The following GTF2IRD1 variants were observed in gnomAD, a reference collection of about 807,000 sequenced individuals.
GTF2IRD1 encodes the protein general transcription factor II-I repeat domain-containing protein 1.
Under a neutral mutation model 113.2 loss-of-function variants are expected in GTF2IRD1, and 26 were observed. The observed-to-expected ratio is 0.23, with a 90% CI of 0.17 to 0.32. The LOEUF is 0.32. Ranked by LOEUF, GTF2IRD1 falls within the 10% of genes least tolerant of loss-of-function variation. The pLI, the probability that GTF2IRD1 is intolerant of heterozygous loss-of-function variation, is 1.00. For synonymous variants in GTF2IRD1, 484 were observed against 529.1 expected, an observed-to-expected ratio of 0.91 and a Z score of 1.17; for missense variants, 864 against 1,280.8, an observed-to-expected ratio of 0.67 and a Z score of 4.97.
At chr7:74,581,035 G>A (rs1287840864) in intron 22 of GTF2IRD1, among the ~76,000 whole-genome samples, 2 of 152,016 alleles carry the variant, frequency 1.3e-5, no homozygotes, top group African/African-American at 4.8e-5. Flanking sequence ...GGGGGTTGGG[G>A]GGAGACGGAG....
intron 1 of GTF2IRD1, among the ~76,000 whole-genome samples, chr7:74,489,005 G>T (rs1432828999): frequency 6.6e-6 from 1 of 151,900 alleles, no homozygotes; most frequent in Non-Finnish European, 1.5e-5. Context: ...AGCCGGGTGT[G>T]GTGGTGGGTT....
chr7:74,566,006 A>ACACACAC (rs1800285278), intron 22 of GTF2IRD1, among the ~76,000 whole-genome samples: 11 of 143,216 alleles, frequency 7.7e-5, no homozygotes, highest in African/African-American at 2.3e-4. Flanking sequence ...AAGACACACA[A>ACACACAC]ACACACACAC....
At chr7:74,466,568 A>G (rs1554330851) in intron 1 of GTF2IRD1, among the ~76,000 whole-genome samples, 1 of 152,096 alleles carries the variant, frequency 6.6e-6, no homozygotes, top group African/African-American at 2.4e-5. Context: ...CCTCTCCCCT[A>G]GAGCGTGCGT....
intron 25 of GTF2IRD1, among the ~76,000 whole-genome samples, chr7:74,598,235 A>T (rs1245593371): frequency 6.6e-6 from 1 of 150,684 alleles, no homozygotes; most frequent in Non-Finnish European, 1.5e-5. Context: ...AAAAAAAAAG[A>T]GCCAGTTAAA....
chr7:74,467,315 G>A (rs536561425), intron 1 of GTF2IRD1, among the ~76,000 whole-genome samples: 11 of 152,174 alleles, frequency 7.2e-5, no homozygotes, highest in Admixed American at 5.2e-4. Flanking sequence ...TGCTTCTGCC[G>A]GCCTGGCTGT....
chr7:74,565,622 T>C (rs1431791811), intron 22 of GTF2IRD1, among the ~76,000 whole-genome samples: 6 of 152,084 alleles, frequency 3.9e-5, no homozygotes, highest in African/African-American at 1.4e-4. Context: ...AGAAACCCTC[T>C]ACCCAGGTAG....
At chr7:74,566,812 T>C (rs1057182775) in intron 22 of GTF2IRD1, among the ~76,000 whole-genome samples, 2 of 152,182 alleles carry the variant, frequency 1.3e-5, no homozygotes, top group East Asian at 1.9e-4. Context: ...CATTTTATTA[T>C]ACTTCGGAAC....
At chr7:74,501,754 C>T (rs141670125) in intron 1 of GTF2IRD1, among the ~76,000 whole-genome samples, 2,565 of 152,174 alleles carry the variant, frequency 0.017, 38 homozygotes, top group Non-Finnish European at 0.025. Context: ...TGGGTTCGAG[C>T]GATTCTCCTG....
chr7:74,567,911 G>A lies in GTF2IRD1; in HGVS notation c.2320+8256G>A, dbSNP rs587599533. On this transcript the variant is annotated intron_variant, in intron 22 of 26. Coordinates refer to ENST00000424337, the MANE Select transcript of GTF2IRD1 (RefSeq NM_005685.4). ...AGTGATTCTCCTGCCTCAGCCTCCCGAGTAGCTGGGATTACAGGCGCGTGC... is the reference window on the plus strand; with the variant it reads ...AGTGATTCTCCTGCCTCAGCCTCCCAAGTAGCTGGGATTACAGGCGCGTGC... Among the ~76,000 whole-genome samples the A allele has an allele frequency of 5.9e-5, 9 of 152,026 alleles. No individual in the cohort carries two copies. In the East Asian group the frequency reaches 1.8e-3, roughly 30 times the overall value.
At chr7:74,455,896 T>C (rs1392046048) in intron 1 of GTF2IRD1, among the ~76,000 whole-genome samples, 1 of 152,192 alleles carries the variant, frequency 6.6e-6, no homozygotes, top group Non-Finnish European at 1.5e-5. Context: ...ACTCAGAGCC[T>C]GCACTCTTAA....
chr7:74,500,452 G>A (rs1379660671), intron 1 of GTF2IRD1, among the ~76,000 whole-genome samples: 2 of 151,784 alleles, frequency 1.3e-5, no homozygotes, highest in East Asian at 3.9e-4. Flanking sequence ...AAAAAATTTG[G>A]TGGGGTGATG....
At chr7:74,598,165 G>A (rs1802534827) in intron 25 of GTF2IRD1, among the ~76,000 whole-genome samples, 1 of 152,098 alleles carries the variant, frequency 6.6e-6, no homozygotes, top group African/African-American at 2.4e-5. Flanking sequence ...GGAGGCTGCA[G>A]TGAGCTATGA....
chr7:74,566,561 C>G (rs1221385138), intron 22 of GTF2IRD1, among the ~76,000 whole-genome samples: 1 of 152,172 alleles, frequency 6.6e-6, no homozygotes, highest in Non-Finnish European at 1.5e-5. Flanking sequence ...AGGCTGGTCT[C>G]GAACTCCTGA....
chr7:74,589,510 A>C (rs1801927378), intron 22 of GTF2IRD1, among the ~76,000 whole-genome samples: 1 of 152,068 alleles, frequency 6.6e-6, no homozygotes, highest in Non-Finnish European at 1.5e-5. Flanking sequence ...CAGCCTGGGC[A>C]ACATGGTGAA....
chr7:74,507,788 T>G, intron 1 of GTF2IRD1: 1 of 334,526 alleles, frequency 3.0e-6, no homozygotes, highest in Non-Finnish European at 5.5e-6. Flanking sequence ...CCGGGAGAGG[T>G]GGCAGTTGGG....
intron 1 of GTF2IRD1, among the ~76,000 whole-genome samples, chr7:74,454,516 A>C (rs1278994590): frequency 6.6e-6 from 1 of 151,926 alleles, no homozygotes; most frequent in African/African-American, 2.4e-5. Flanking sequence ...GAATGAGGTC[A>C]GTCGCGCTGC....
At chr7:74,520,499 A>G (rs1309807092) in intron 6 of GTF2IRD1, among the ~76,000 whole-genome samples, 1 of 152,092 alleles carries the variant, frequency 6.6e-6, no homozygotes, top group Non-Finnish European at 1.5e-5. Flanking sequence ...TGGCAGTAGC[A>G]TCTCCTGAGA....
intron 1 of GTF2IRD1, among the ~76,000 whole-genome samples, chr7:74,464,002 G>A (rs920013460): frequency 2.6e-5 from 4 of 152,146 alleles, no homozygotes; most frequent in Non-Finnish European, 5.9e-5. Flanking sequence ...GGAATTACAG[G>A]TGTGAGCCAC....
At chr7:74,553,791 A>G (rs1391078039) in intron 17 of GTF2IRD1, among the ~76,000 whole-genome samples, 6 of 152,160 alleles carry the variant, frequency 3.9e-5, no homozygotes, top group Non-Finnish European at 1.5e-5. Context: ...GGCTCTGCCC[A>G]GCTTCTGCCT....
Sources: gnomAD v4.1 joint callset for allele counts (sites outside exome capture counted in the v4.1 genomes callset) on GRCh38, gnomAD v4.1.1 for gene constraint, MANE v1.5 for transcripts, NCBI Gene and HGNC (gene_info 2026-07-23, HGNC 2026-07-21) for gene names.